CTNNA3: variants seen among roughly 807,000 people sequenced by gnomAD.
CTNNA3 encodes catenin alpha-3.
Under a neutral mutation model 95.7 loss-of-function variants are expected in CTNNA3, and 76 were observed. That is an observed-to-expected ratio of 0.79 (90% CI 0.66 to 0.96). The LOEUF (loss-of-function observed/expected upper bound fraction) is 0.96. Ranked by LOEUF, CTNNA3 falls within the 40% of genes least tolerant of loss-of-function variation. The pLI, the probability that CTNNA3 is intolerant of heterozygous loss-of-function variation, is 0.00. For missense variants in CTNNA3, 1,191 were observed against 1,089.8 expected, an observed-to-expected ratio of 1.09 and a Z score of -1.31; for synonymous variants, 431 against 374.4, an observed-to-expected ratio of 1.15 and a Z score of -1.74.
At chr10:66,479,629 G>T (rs1394464978) in intron 11 of CTNNA3, among the ~76,000 whole-genome samples, 2 of 151,842 alleles carry the variant, frequency 1.3e-5, no homozygotes, top group Admixed American at 1.3e-4. Context: ...TTAAAATTGT[G>T]AATCATAAGT....
intron 5 of CTNNA3, among the ~76,000 whole-genome samples, chr10:67,416,374 C>T (rs1845539210): frequency 6.6e-6 from 1 of 151,432 alleles, no homozygotes; most frequent in Admixed American, 6.6e-5. Flanking sequence ...TTTGGGAGGC[C>T]GAGGAGGGTG....
At chr10:66,929,403 T>G (rs1325715157) in intron 7 of CTNNA3, among the ~76,000 whole-genome samples, 1 of 152,204 alleles carries the variant, frequency 6.6e-6, no homozygotes, top group Non-Finnish European at 1.5e-5. Flanking sequence ...CTAATGTAGT[T>G]AGTAGAATCC....
chr10:66,461,489 A>G (rs1350159663), intron 11 of CTNNA3, among the ~76,000 whole-genome samples: 1 of 152,074 alleles, frequency 6.6e-6, no homozygotes. Flanking sequence ...CGAAATTAAC[A>G]ACTGATGAGT....
chr10:66,305,093 T>C (rs2091914657), intron 12 of CTNNA3, among the ~76,000 whole-genome samples: 2 of 152,018 alleles, frequency 1.3e-5, no homozygotes, highest in African/African-American at 2.4e-5. Context: ...ACCCCCACTA[T>C]ATAAAAGCCC....
intron 12 of CTNNA3, among the ~76,000 whole-genome samples, chr10:66,376,844 AT>A (rs997442602): frequency 6.6e-6 from 1 of 152,210 alleles, no homozygotes; most frequent in Non-Finnish European, 1.5e-5. Flanking sequence ...CAATTATTTA[AT>A]TTGGCAATTA....
Position 66,327,756 on chromosome 10 carries a change from T to C in CTNNA3, c.1733-47135A>G, listed in dbSNP as rs904870127. 3.9e-5 allele frequency among the ~76,000 whole-genome samples: 6 copies of C among 152,120 alleles called. 1 individual carries two copies. The highest frequency in any genetic ancestry group is 6.5e-5 in the Admixed American group (1 of 15,276). Reference sequence around the variant, plus strand: ...AAGAGAGTGTGAAAAGAATTGTGATTGGCTTTTAAATAAATTTTCTTAAAA... The same window carrying C: ...AAGAGAGTGTGAAAAGAATTGTGATCGGCTTTTAAATAAATTTTCTTAAAA... On this transcript the variant is annotated intron_variant, in intron 12 of 17. Transcript: ENST00000433211.
At chr10:67,169,941 C>A (rs1270419834) in intron 7 of CTNNA3, among the ~76,000 whole-genome samples, 1 of 151,938 alleles carries the variant, frequency 6.6e-6, no homozygotes, top group African/African-American at 2.4e-5. Context: ...GAAAAACAAC[C>A]CCATTAAAAA....
intron 13 of CTNNA3, among the ~76,000 whole-genome samples, chr10:66,257,049 A>C (rs1331753417): frequency 6.6e-6 from 1 of 152,030 alleles, no homozygotes; most frequent in African/African-American, 2.4e-5. Context: ...AATCTACCTA[A>C]CAAGGGAGTC....
chr10:66,477,577 G>A (rs79605297), intron 11 of CTNNA3, among the ~76,000 whole-genome samples: 5,545 of 152,028 alleles, frequency 0.036, 362 homozygotes, highest in African/African-American at 0.13. Context: ...AACACATATC[G>A]TATTGTAATA....
chr10:67,134,206 C>G (rs1417807697), intron 7 of CTNNA3, among the ~76,000 whole-genome samples: 1 of 152,096 alleles, frequency 6.6e-6, no homozygotes, highest in Non-Finnish European at 1.5e-5. Context: ...TTAAAGAATT[C>G]TGAGACTAGA....
intron 11 of CTNNA3, among the ~76,000 whole-genome samples, chr10:66,414,086 GT>G (rs1432748780): frequency 8.6e-5 from 13 of 151,726 alleles, no homozygotes; most frequent in Non-Finnish European, 5.9e-5. Flanking sequence ...CTTCTTTTTT[GT>G]TTGTTTATTG....
intron 7 of CTNNA3, among the ~76,000 whole-genome samples, chr10:67,165,494 T>C (rs2132100064): frequency 6.6e-6 from 1 of 152,342 alleles, no homozygotes; most frequent in African/African-American, 2.4e-5. Context: ...TAAAACTATA[T>C]ACATAATTTA....
chr10:66,656,532 G>C (rs1315540589), intron 9 of CTNNA3, among the ~76,000 whole-genome samples: 1 of 152,074 alleles, frequency 6.6e-6, no homozygotes, highest in Non-Finnish European at 1.5e-5. Context: ...ACATAGGTGA[G>C]AGAGGACTTG....
At chr10:66,955,135 T>A (rs1209809197) in intron 7 of CTNNA3, among the ~76,000 whole-genome samples, 1 of 152,168 alleles carries the variant, frequency 6.6e-6, no homozygotes, top group East Asian at 1.9e-4. Context: ...AAACTTTTCC[T>A]AGGTGCCTTT....
chr10:67,546,141 AT>A (rs200214676), intron 3 of CTNNA3, among the ~76,000 whole-genome samples: 4 of 151,612 alleles, frequency 2.6e-5, no homozygotes, highest in African/African-American at 7.3e-5. Flanking sequence ...AAATTTGACA[AT>A]TTTTTTTTCT....
rs530445934 is a variant in CTNNA3 at position 66,987,430 on chromosome 10, G to C, written c.1047+192887C>G. On this transcript the variant is annotated intron_variant, in intron 7 of 17. Transcript: ENST00000433211. ...GATAGAATGTAGGGCTGAAGAATCA[G>C]AAAGGAGTCAAAAAATGCTGAGGCT... Among the ~76,000 whole-genome samples, 174 of 152,312 alleles carry C rather than the reference G, an allele frequency of 1.1e-3. 2 individuals carry two copies. Among genetic ancestry groups the C allele is most frequent in the Non-Finnish European group, 1.9e-3 (132 of 68,024 alleles).
At chr10:66,251,597 T>C (rs1346163208) in intron 13 of CTNNA3, among the ~76,000 whole-genome samples, 1 of 152,106 alleles carries the variant, frequency 6.6e-6, no homozygotes, top group Non-Finnish European at 1.5e-5. Flanking sequence ...CAAGACCAAA[T>C]TGAAACATAA....
intron 7 of CTNNA3, among the ~76,000 whole-genome samples, chr10:67,060,968 C>T (rs763366954): frequency 6.6e-6 from 1 of 152,130 alleles, no homozygotes; most frequent in Admixed American, 6.5e-5. Context: ...AAGAAAAAGG[C>T]ATCCAGAAGT....
At chr10:66,537,318 G>C (rs1330222370) in intron 10 of CTNNA3, among the ~76,000 whole-genome samples, 1 of 152,008 alleles carries the variant, frequency 6.6e-6, no homozygotes, top group Non-Finnish European at 1.5e-5. Flanking sequence ...TATGTCAGAG[G>C]GCATAGAGTT....
Sources: allele counts gnomAD v4.1 joint callset (sites outside exome capture counted in the v4.1 genomes callset), GRCh38; gene constraint gnomAD v4.1.1; transcripts MANE v1.5; gene names NCBI Gene and HGNC (gene_info 2026-07-23, HGNC 2026-07-21).